ARHGAP26: variants seen among roughly 807,000 people sequenced by gnomAD.
ARHGAP26 encodes the protein Rho GTPase activating protein 26.
Under a neutral mutation model 104.8 loss-of-function variants are expected in ARHGAP26, and 38 were observed. The observed-to-expected ratio is 0.36, with a 90% CI of 0.28 to 0.48. ARHGAP26 has a LOEUF of 0.48. Among genes scored for constraint, ARHGAP26 ranks in the 20% least tolerant of loss-of-function variants. The pLI is 0.99. For missense variants in ARHGAP26, 704 were observed against 947.9 expected (o/e 0.74, Z 3.38); for synonymous variants, 341 against 340.0 (o/e 1.00, Z -0.03).
At chr5:142,830,862 A>G (rs2152117135) in intron 1 of ARHGAP26, among the ~76,000 whole-genome samples, 1 of 152,254 alleles carries the variant, frequency 6.6e-6, no homozygotes, top group South Asian at 2.1e-4. Context: ...TTGATATCTG[A>G]TTCCACTTAC....
chr5:142,881,456 A>G (rs1362187142), intron 4 of ARHGAP26, among the ~76,000 whole-genome samples: 6 of 152,184 alleles, frequency 3.9e-5, no homozygotes, highest in Non-Finnish European at 7.4e-5. Context: ...GTGACATACT[A>G]GAATAAAAGA....
chr5:142,996,344 T>C (rs1232630712), intron 11 of ARHGAP26, among the ~76,000 whole-genome samples: 1 of 151,846 alleles, frequency 6.6e-6, no homozygotes, highest in Non-Finnish European at 1.5e-5. Flanking sequence ...TACACAAAAA[T>C]TAGCTGGGTT....
intron 17 of ARHGAP26, among the ~76,000 whole-genome samples, chr5:143,103,801 A>C (rs1325209420): frequency 6.6e-6 from 1 of 152,022 alleles, no homozygotes; most frequent in Non-Finnish European, 1.5e-5. Context: ...AACAGGGGGT[A>C]GGGGGAAGAG....
intron 20 of ARHGAP26, among the ~76,000 whole-genome samples, chr5:143,179,160 C>T (rs769260375): frequency 9.2e-5 from 14 of 152,170 alleles, no homozygotes; most frequent in Admixed American, 5.2e-4. Flanking sequence ...TGAGCCACCG[C>T]GCCCAGCCAT....
chr5:143,060,890 A>G (rs986209213), intron 17 of ARHGAP26, among the ~76,000 whole-genome samples: 1 of 152,154 alleles, frequency 6.6e-6, no homozygotes, highest in Admixed American at 6.5e-5. Context: ...TGAGAGGAAT[A>G]TGGATTGGGA....
chr5:143,026,141 A>G (rs1214229074), intron 12 of ARHGAP26, among the ~76,000 whole-genome samples: 1 of 152,196 alleles, frequency 6.6e-6, no homozygotes, highest in East Asian at 1.9e-4. Flanking sequence ...GCCACCTGTC[A>G]CTATTCAAGG....
intron 14 of ARHGAP26, among the ~76,000 whole-genome samples, chr5:143,052,517 G>GT (rs1014861156): frequency 4.0e-5 from 6 of 151,800 alleles, no homozygotes; most frequent in Non-Finnish European, 7.4e-5. Flanking sequence ...TTCCTTGTTT[G>GT]TTTCATGTGA....
intron 18 of ARHGAP26, among the ~76,000 whole-genome samples, chr5:143,121,928 T>C (rs1361172273): frequency 6.6e-6 from 1 of 152,202 alleles, no homozygotes; most frequent in Non-Finnish European, 1.5e-5. Context: ...ATGCTGTTTC[T>C]CTTAAATAAA....
intron 3 of ARHGAP26, among the ~76,000 whole-genome samples, chr5:142,879,015 C>A (rs1756540649): frequency 6.6e-6 from 1 of 152,038 alleles, no homozygotes; most frequent in African/African-American, 2.4e-5. Flanking sequence ...TTACCCATAA[C>A]TTGGGTAAAT....
chr5:142,890,479 C>T (rs1397256187), intron 5 of ARHGAP26, among the ~76,000 whole-genome samples: 1 of 151,530 alleles, frequency 6.6e-6, no homozygotes, highest in Non-Finnish European at 1.5e-5. Context: ...GATTATTACA[C>T]AGGGTCTTGC....
intron 20 of ARHGAP26, among the ~76,000 whole-genome samples, chr5:143,183,809 C>T (rs75358383): frequency 0.024 from 3,609 of 152,268 alleles, 148 homozygotes; most frequent in African/African-American, 0.083. Flanking sequence ...AGTGTCTCTG[C>T]GCCTGTCTCT....
intron 9 of ARHGAP26, among the ~76,000 whole-genome samples, chr5:142,911,239 T>C (rs1761790664): frequency 6.6e-6 from 1 of 152,146 alleles, no homozygotes; most frequent in Non-Finnish European, 1.5e-5. Flanking sequence ...TTCCTGCTGC[T>C]CTCAGGATAC....
At position 142,955,833 on chromosome 5, in the gene ARHGAP26, T is replaced by A. The variant is rs889197217; in HGVS notation, c.1107+23708T>A. On this transcript the variant is annotated intron_variant, in intron 11 of 22. Coordinates refer to ENST00000645722, the MANE Select transcript of ARHGAP26 (RefSeq NM_001135608.3). The stretch of plus-strand genomic sequence containing the variant: ...CAGGGTGCATCTCATGCTGTCTCCA[T>A]GCATCTCATGCTGTCTCCATGTTGC... Among the ~76,000 whole-genome samples, 3 of 152,232 alleles carry A rather than the reference T, an allele frequency of 2.0e-5. No homozygotes were observed. In the South Asian group the frequency reaches 6.2e-4, roughly 32 times the overall value.
At chr5:143,074,516 C>A (rs246644) in intron 17 of ARHGAP26, among the ~76,000 whole-genome samples, 71,441 of 152,082 alleles carry the variant, frequency 0.47, 21,823 homozygotes, top group East Asian at 0.9. Flanking sequence ...GAAAAAAATG[C>A]AAAGAAGAGT....
At chr5:143,174,306 A>C (rs761901123) in intron 20 of ARHGAP26, among the ~76,000 whole-genome samples, 2 of 152,230 alleles carry the variant, frequency 1.3e-5, no homozygotes, top group Non-Finnish European at 2.9e-5. Context: ...GTAATGATGG[A>C]GCAATCTCCA....
intron 9 of ARHGAP26, among the ~76,000 whole-genome samples, chr5:142,912,437 A>G (rs1761954239): frequency 6.6e-6 from 1 of 152,244 alleles, no homozygotes; most frequent in South Asian, 2.1e-4. Context: ...GCCAGGGGAT[A>G]CAAGGAAACT....
rs1162855898 is a variant in ARHGAP26, at chr5:143,184,434, C to T, written c.1989-22764C>T. 3.9e-5 allele frequency among the ~76,000 whole-genome samples: 6 copies of T among 152,200 alleles called. No homozygotes were observed. The South Asian group carries it at 8.3e-4, about 21-fold the overall frequency. Reference sequence around the variant, plus strand: ...ACCTGCCAGAGTGTCTCCAGCATCACAGCTGGAGGTGCCGTGGGTGGGGGT... The same window carrying T: ...ACCTGCCAGAGTGTCTCCAGCATCATAGCTGGAGGTGCCGTGGGTGGGGGT... On this transcript the variant is annotated intron_variant, in intron 20 of 22. Transcript: ENST00000645722.
intron 11 of ARHGAP26, among the ~76,000 whole-genome samples, chr5:142,961,017 G>A (rs1170559529): frequency 6.6e-6 from 1 of 152,138 alleles, no homozygotes; most frequent in Non-Finnish European, 1.5e-5. Context: ...ACCTCTAGAA[G>A]CTTCTATCAA....
chr5:143,228,257 G>A lies in ARHGAP26; in HGVS notation c.*5811G>A, dbSNP rs1416119035. ...TATTTATGTGTGTGTGTATGTGTGTGTATACAGCACATATTTACATCTATG... is the reference window on the plus strand; with the variant it reads ...TATTTATGTGTGTGTGTATGTGTGTATATACAGCACATATTTACATCTATG... On this transcript the variant is annotated 3_prime_UTR_variant, in exon 23 of 23. Coordinates refer to ENST00000645722, the MANE Select transcript of ARHGAP26 (RefSeq NM_001135608.3). 4.5e-6 allele frequency: 1 copy of A among 224,390 alleles called. No individual in the cohort carries two copies. The highest frequency in any genetic ancestry group is 8.9e-6 in the Non-Finnish European group (1 of 112,620). The allele number at this position is 224,390 out of a possible 1,614,324, so 13.9% of individuals were successfully genotyped here.
Sources: allele counts gnomAD v4.1 joint callset (sites outside exome capture counted in the v4.1 genomes callset), GRCh38; gene constraint gnomAD v4.1.1; transcripts MANE v1.5; gene names NCBI Gene and HGNC (gene_info 2026-07-23, HGNC 2026-07-21).